The following TRAPPC9 variants were observed in gnomAD, a reference collection of about 807,000 sequenced individuals.
TRAPPC9 encodes trafficking protein particle complex subunit 9.
TRAPPC9 carries 83 observed loss-of-function variants against 124.0 expected under a neutral mutation model. That is an observed-to-expected ratio of 0.67 (90% CI 0.56 to 0.80). TRAPPC9 has a LOEUF of 0.80. TRAPPC9 is among the 30% of genes least tolerant of loss of function. The pLI is 0.00. For synonymous variants in TRAPPC9, 638 were observed against 617.5 expected (o/e 1.03, Z -0.49); for missense variants, 1,302 against 1,508.3 (o/e 0.86, Z 2.27).
At chr8:140,368,283 T>C (rs1034298643) in intron 8 of TRAPPC9, among the ~76,000 whole-genome samples, 6 of 152,144 alleles carry the variant, frequency 3.9e-5, no homozygotes, top group Admixed American at 6.6e-5. Flanking sequence ...AGGGACGTCT[T>C]GGTTCTTGCT....
chr8:140,394,992 C>G (rs917073149), intron 7 of TRAPPC9, among the ~76,000 whole-genome samples: 3 of 152,156 alleles, frequency 2.0e-5, no homozygotes, highest in African/African-American at 7.2e-5. Flanking sequence ...AAGTATGATC[C>G]AGCTGTTGGT....
chr8:139,948,945 C>T (rs546396283), intron 19 of TRAPPC9, among the ~76,000 whole-genome samples: 4 of 152,132 alleles, frequency 2.6e-5, no homozygotes, highest in South Asian at 2.1e-4. Flanking sequence ...GTGTGGTGGG[C>T]GCCTGTAATC....
At chr8:140,383,041 C>T (rs1004568127) in intron 7 of TRAPPC9, among the ~76,000 whole-genome samples, 4 of 152,206 alleles carry the variant, frequency 2.6e-5, no homozygotes, top group Non-Finnish European at 5.9e-5. Flanking sequence ...CTGCTGATAC[C>T]CAGGCAAACA....
chr8:140,363,922 C>T (rs2068027862), intron 8 of TRAPPC9, among the ~76,000 whole-genome samples: 2 of 152,012 alleles, frequency 1.3e-5, no homozygotes, highest in African/African-American at 2.4e-5. Context: ...AATGTATTTA[C>T]AAATCATGGG....
At chr8:139,988,078 G>A (rs1014506045) in intron 19 of TRAPPC9, among the ~76,000 whole-genome samples, 1 of 150,236 alleles carries the variant, frequency 6.7e-6, no homozygotes, top group Non-Finnish European at 1.5e-5. Flanking sequence ...TTCCCAGACT[G>A]ATGCCAAATA....
At chr8:139,884,742 T>C (rs1400778239) in intron 21 of TRAPPC9, among the ~76,000 whole-genome samples, 1 of 152,146 alleles carries the variant, frequency 6.6e-6, no homozygotes, top group Non-Finnish European at 1.5e-5. Flanking sequence ...TGAAACCCTC[T>C]GCAGAAACAC....
chr8:139,875,898 G>A (rs545171307), intron 21 of TRAPPC9, among the ~76,000 whole-genome samples: 1 of 152,328 alleles, frequency 6.6e-6, no homozygotes, highest in Admixed American at 6.5e-5. Context: ...TGCTGGTGCT[G>A]TTGCTAAGCT....
chr8:139,771,648 A>T (rs896151747), intron 21 of TRAPPC9, among the ~76,000 whole-genome samples: 3 of 152,236 alleles, frequency 2.0e-5, no homozygotes, highest in African/African-American at 7.2e-5. Flanking sequence ...GGGGAGTGGC[A>T]GCAGACCCCA....
upstream of TRAPPC9, chr8:140,458,260 A>T: frequency 6.4e-7 from 1 of 1,552,016 alleles, no homozygotes; most frequent in Non-Finnish European, 8.7e-7. Flanking sequence ...AAGGAGGCCC[A>T]GTTCTGTCCC....
intron 21 of TRAPPC9, among the ~76,000 whole-genome samples, chr8:139,820,249 C>T (rs969015588): frequency 2.0e-5 from 3 of 151,994 alleles, no homozygotes; most frequent in Non-Finnish European, 4.4e-5. Flanking sequence ...GGCACCATCT[C>T]GGCTTACTGC....
At chr8:140,205,718 A>C (rs1165839709) in intron 17 of TRAPPC9, among the ~76,000 whole-genome samples, 1 of 152,226 alleles carries the variant, frequency 6.6e-6, no homozygotes, top group Non-Finnish European at 1.5e-5. Context: ...CAGCTAGTTC[A>C]GGCAGGCCTG....
chr8:140,031,027 T>C (rs905211365), intron 17 of TRAPPC9, among the ~76,000 whole-genome samples: 14 of 152,230 alleles, frequency 9.2e-5, no homozygotes, highest in Non-Finnish European at 1.9e-4. Context: ...TAAAGTTGAT[T>C]TTTGAAATTG....
At chr8:139,999,418 A>T (rs1229206052) in intron 18 of TRAPPC9, among the ~76,000 whole-genome samples, 1 of 152,204 alleles carries the variant, frequency 6.6e-6, no homozygotes, top group Non-Finnish European at 1.5e-5. Flanking sequence ...ACCTAACTAT[A>T]GAGTTTCAAA....
intron 5 of TRAPPC9, among the ~76,000 whole-genome samples, chr8:140,420,846 T>C (rs2070177358): frequency 6.6e-6 from 1 of 152,158 alleles, no homozygotes; most frequent in Admixed American, 6.5e-5. Context: ...ACAAATTCAT[T>C]TTCAAAAGTT....
At chr8:139,951,708 C>G (rs372298866) in intron 19 of TRAPPC9, among the ~76,000 whole-genome samples, 17 of 152,196 alleles carry the variant, frequency 1.1e-4, no homozygotes, top group East Asian at 3.8e-4. Flanking sequence ...ATGCCGAGCT[C>G]ACTCCACGCA....
chr8:140,227,168 G>A (rs1001814389), intron 16 of TRAPPC9, among the ~76,000 whole-genome samples: 1 of 151,856 alleles, frequency 6.6e-6, no homozygotes, highest in East Asian at 1.9e-4. Flanking sequence ...GAGGGATGGC[G>A]AGAGATGAGA....
intron 21 of TRAPPC9, among the ~76,000 whole-genome samples, chr8:139,873,679 C>T (rs539356019): frequency 1.5e-4 from 23 of 152,314 alleles, no homozygotes; most frequent in African/African-American, 5.5e-4. Flanking sequence ...TGATGAAGGC[C>T]TCCTGCAGTG....
chr8:139,877,441 T>C (rs1829394215), intron 21 of TRAPPC9, among the ~76,000 whole-genome samples: 1 of 152,186 alleles, frequency 6.6e-6, no homozygotes, highest in African/African-American at 2.4e-5. Flanking sequence ...CAGCACACCC[T>C]TTCCAGGACT....
intron 20 of TRAPPC9, among the ~76,000 whole-genome samples, chr8:139,897,395 T>A (rs1448998648): frequency 6.6e-6 from 1 of 152,196 alleles, no homozygotes; most frequent in African/African-American, 2.4e-5. Flanking sequence ...ACTGCTTAGC[T>A]TCTTGGCCTC....
Sources: gnomAD v4.1 joint callset for allele counts (sites outside exome capture counted in the v4.1 genomes callset) on GRCh38, gnomAD v4.1.1 for gene constraint, MANE v1.5 for transcripts, NCBI Gene and HGNC (gene_info 2026-07-23, HGNC 2026-07-21) for gene names.